PPM1H: variants seen among roughly 807,000 people sequenced by gnomAD.
The protein encoded by PPM1H is protein phosphatase 1H.
In PPM1H, 27 loss-of-function variants were observed where a neutral mutation model predicts 54.9. The ratio of observed to expected loss-of-function variants is 0.49; its 90% CI spans 0.36 to 0.68. PPM1H has a LOEUF of 0.68. Among genes scored for constraint, PPM1H ranks in the 30% least tolerant of loss-of-function variants. The pLI is 0.00. For missense variants in PPM1H, 596 were observed against 667.8 expected (o/e 0.89, Z 1.19); for synonymous variants, 305 against 270.8 (o/e 1.13, Z -1.24).
intron 2 of PPM1H, among the ~76,000 whole-genome samples, chr12:62,817,116 T>TAAAAAAAAAAAAAAAAAGAA (rs2076870732): frequency 2.4e-5 from 1 of 41,792 alleles, no homozygotes; most frequent in Non-Finnish European, 4.6e-5. Context: ...ACTGCATTAC[T>TAAAAAAAAAAAAAAAAAGAA]AAAAAAAAAA....
chr12:62,790,080 T>G (rs1262842700), intron 3 of PPM1H, among the ~76,000 whole-genome samples: 4 of 152,142 alleles, frequency 2.6e-5, no homozygotes, highest in Non-Finnish European at 2.9e-5. Flanking sequence ...AGGCCACTAT[T>G]GTAATCCTGA....
At chr12:62,694,218 A>C (rs1324252989) in intron 6 of PPM1H, among the ~76,000 whole-genome samples, 2 of 152,100 alleles carry the variant, frequency 1.3e-5, no homozygotes, top group Non-Finnish European at 2.9e-5. Flanking sequence ...AAGAGGGAGG[A>C]AATAAGTTGG....
At chr12:62,657,974 A>G (rs888730505) in intron 9 of PPM1H, among the ~76,000 whole-genome samples, 1 of 150,574 alleles carries the variant, frequency 6.6e-6, no homozygotes, top group East Asian at 2.0e-4. Context: ...TGGTTCTTAC[A>G]GATTTAATAC....
At chr12:62,803,556 C>G (rs1415015231) in intron 2 of PPM1H, among the ~76,000 whole-genome samples, 1 of 151,960 alleles carries the variant, frequency 6.6e-6, no homozygotes, top group East Asian at 1.9e-4. Flanking sequence ...TCAAAATAGC[C>G]TAAAGACTTA....
chr12:62,805,654 C>T (rs543379902), intron 2 of PPM1H, among the ~76,000 whole-genome samples: 2 of 152,154 alleles, frequency 1.3e-5, no homozygotes, highest in Non-Finnish European at 2.9e-5. Flanking sequence ...GAGTCAAACT[C>T]GTAGAAGCAG....
intron 4 of PPM1H, among the ~76,000 whole-genome samples, chr12:62,738,480 C>A (rs1319566869): frequency 1.3e-5 from 2 of 152,112 alleles, no homozygotes; most frequent in African/African-American, 4.8e-5. Context: ...TTCCCCAAAG[C>A]AGATGTCTAT....
intron 1 of PPM1H, chr12:62,840,146 C>A (rs1868690616): frequency 6.6e-6 from 1 of 152,054 alleles, no homozygotes; most frequent in Admixed American, 6.6e-5. Flanking sequence ...AAATTTCTCA[C>A]AGTTTTGAAG....
intron 1 of PPM1H, among the ~76,000 whole-genome samples, chr12:62,884,984 A>G (rs1310271117): frequency 3.3e-5 from 5 of 152,144 alleles, no homozygotes; most frequent in East Asian, 1.9e-4. Context: ...AAGAGGTTTA[A>G]TTGGACTTAC....
chr12:62,678,894 C>T (rs1256374575), intron 8 of PPM1H, among the ~76,000 whole-genome samples: 2 of 152,038 alleles, frequency 1.3e-5, no homozygotes, highest in African/African-American at 4.8e-5. Flanking sequence ...ACCATGTTGG[C>T]CAGGCTGGTC....
At chr12:62,754,862 T>G (rs1363817362) in intron 4 of PPM1H, among the ~76,000 whole-genome samples, 2 of 152,138 alleles carry the variant, frequency 1.3e-5, no homozygotes, top group African/African-American at 4.8e-5. Context: ...AATGGAAGGG[T>G]TTCCATCCAT....
chr12:62,821,185 A>G (rs1277408637), intron 2 of PPM1H, among the ~76,000 whole-genome samples: 1 of 152,236 alleles, frequency 6.6e-6, no homozygotes, highest in Non-Finnish European at 1.5e-5. Flanking sequence ...ATGGAAGATC[A>G]AATTAATGAA....
intron 9 of PPM1H, among the ~76,000 whole-genome samples, chr12:62,655,398 G>A (rs761250893): frequency 6.6e-6 from 1 of 152,202 alleles, no homozygotes; most frequent in Non-Finnish European, 1.5e-5. Flanking sequence ...GAAAAGAACT[G>A]CTTCTCCTGC....
intron 1 of PPM1H, among the ~76,000 whole-genome samples, chr12:62,834,368 G>A (rs1460861685): frequency 2.0e-5 from 3 of 152,176 alleles, no homozygotes; most frequent in African/African-American, 7.2e-5. Flanking sequence ...CTGCATGATG[G>A]TTAATCCTAC....
chr12:62,915,626 A>G (rs1389520932), intron 1 of PPM1H, among the ~76,000 whole-genome samples: 1 of 152,210 alleles, frequency 6.6e-6, no homozygotes, highest in African/African-American at 2.4e-5. Flanking sequence ...GGCGTACCCA[A>G]GAGCAGCCCA....
intron 4 of PPM1H, among the ~76,000 whole-genome samples, chr12:62,745,897 T>C (rs1379576493): frequency 1.3e-5 from 2 of 152,110 alleles, no homozygotes; most frequent in Non-Finnish European, 2.9e-5. Flanking sequence ...ATCTTAGCCA[T>C]ATAAAGAAGT....
chr12:62,747,601 C>T lies in PPM1H; in HGVS notation c.870-10015G>A, dbSNP rs577318779. 3.3e-5 allele frequency among the ~76,000 whole-genome samples: 5 copies of T among 152,328 alleles called. No individual in the cohort carries two copies. In the South Asian group the frequency reaches 1.0e-3, roughly 32 times the overall value. Reference sequence around the variant, plus strand: ...CAAGTAGGGCAAATGTAGGAACACTCTGTTAGCACCTTCTTCATGTAACCC... The same window carrying T: ...CAAGTAGGGCAAATGTAGGAACACTTTGTTAGCACCTTCTTCATGTAACCC... On this transcript the variant is annotated intron_variant, in intron 4 of 9. Coordinates refer to ENST00000228705, the MANE Select transcript of PPM1H (RefSeq NM_020700.2).
At chr12:62,735,519 GT>G (rs1264502449) in intron 5 of PPM1H, among the ~76,000 whole-genome samples, 1 of 152,128 alleles carries the variant, frequency 6.6e-6, no homozygotes, top group African/African-American at 2.4e-5. Context: ...TGCCCAGCCT[GT>G]TTTTAAATCT....
chr12:62,908,422 A>AAAAAAAAAG (rs1284923713), intron 1 of PPM1H, among the ~76,000 whole-genome samples: 89 of 134,250 alleles, frequency 6.6e-4, no homozygotes, highest in Non-Finnish European at 8.7e-4. Context: ...AAAAAAAAAA[A>AAAAAAAAAG]AAAGAAAGAA....
At chr12:62,761,636 C>T (rs2076510012) in intron 4 of PPM1H, among the ~76,000 whole-genome samples, 1 of 152,040 alleles carries the variant, frequency 6.6e-6, no homozygotes, top group South Asian at 2.1e-4. Flanking sequence ...CCTTATAGGC[C>T]CTCATTTCCC....
Sources: gnomAD v4.1 joint callset for allele counts (sites outside exome capture counted in the v4.1 genomes callset) on GRCh38, gnomAD v4.1.1 for gene constraint, MANE v1.5 for transcripts, NCBI Gene and HGNC (gene_info 2026-07-23, HGNC 2026-07-21) for gene names.